CADPS2: variants seen among roughly 807,000 people sequenced by gnomAD.
CADPS2 encodes calcium-dependent secretion activator 2.
In CADPS2, 93 loss-of-function variants were observed where a neutral mutation model predicts 172.5. The ratio of observed to expected loss-of-function variants is 0.54; its 90% CI spans 0.46 to 0.64. CADPS2 has a LOEUF of 0.64. Ranked by LOEUF, CADPS2 falls within the 30% of genes least tolerant of loss-of-function variation. The pLI, the probability that CADPS2 is intolerant of heterozygous loss-of-function variation, is 0.00. For missense variants in CADPS2, 1,420 were observed against 1,565.9 expected, an observed-to-expected ratio of 0.91 and a Z score of 1.57; for synonymous variants, 546 against 555.2, an observed-to-expected ratio of 0.98 and a Z score of 0.23.
At chr7:122,471,616 T>A in intron 13 of CADPS2, 54 bp from the exon 14 acceptor site, 5 of 1,463,592 alleles carry the variant, frequency 3.4e-6, no homozygotes, top group Non-Finnish European at 4.6e-6. Flanking sequence ...ATACTACGAT[T>A]TGCTTTCCTG....
intron 17 of CADPS2, among the ~76,000 whole-genome samples, chr7:122,418,984 C>T (rs567568196): frequency 6.6e-6 from 1 of 152,228 alleles, no homozygotes; most frequent in South Asian, 2.1e-4. Context: ...TTTAATGCTA[C>T]CTTAAAATTG....
At chr7:122,816,118 C>T (rs1801307869) in intron 1 of CADPS2, among the ~76,000 whole-genome samples, 1 of 151,838 alleles carries the variant, frequency 6.6e-6, no homozygotes, top group African/African-American at 2.4e-5. Flanking sequence ...AGATCTTATC[C>T]TTTCTTCCTA....
chr7:122,837,641 C>T (rs1808943000), intron 1 of CADPS2, among the ~76,000 whole-genome samples: 1 of 152,168 alleles, frequency 6.6e-6, no homozygotes, highest in African/African-American at 2.4e-5. Context: ...TCAGAGAATA[C>T]TATAAACACC....
At chr7:122,639,275 T>C (rs1157805963) in intron 3 of CADPS2, among the ~76,000 whole-genome samples, 1 of 152,210 alleles carries the variant, frequency 6.6e-6, no homozygotes, top group African/African-American at 2.4e-5. Context: ...TTAAATTTAT[T>C]TTCGACATAA....
intron 2 of CADPS2, among the ~76,000 whole-genome samples, chr7:122,691,804 G>A (rs569073343): frequency 6.6e-6 from 1 of 152,296 alleles, no homozygotes; most frequent in East Asian, 1.9e-4. Flanking sequence ...AGACAGCACA[G>A]CTGTCAAGCT....
Position 122,794,158 on chromosome 7 carries a change from T to C in CADPS2, c.340-57090A>G, listed in dbSNP as rs183941316. ...CTGAATGTTGGCCACTCTAGGTAGA[T>C]TGGGGAAGTTCTCATGGATGATATC... On this transcript the variant is annotated intron_variant, in intron 1 of 29. Transcript: ENST00000449022. 2.7e-4 allele frequency among the ~76,000 whole-genome samples: 41 copies of C among 152,214 alleles called. No individual in the cohort carries two copies. The East Asian group carries it at 7.4e-3, about 27-fold the overall frequency.
At chr7:122,792,425 C>T (rs1281124927) in intron 1 of CADPS2, among the ~76,000 whole-genome samples, 1 of 152,102 alleles carries the variant, frequency 6.6e-6, no homozygotes, top group Non-Finnish European at 1.5e-5. Context: ...ACCTATAAAC[C>T]AGGAAGCACG....
intron 1 of CADPS2, among the ~76,000 whole-genome samples, chr7:122,878,731 GAATTA>G (rs1041134346): frequency 1.3e-5 from 2 of 150,788 alleles, no homozygotes; most frequent in African/African-American, 4.9e-5. Context: ...TTTGAAAAAA[GAATTA>G]AATTAATAAA....
chr7:122,571,774 G>A (rs2067290587), intron 7 of CADPS2, among the ~76,000 whole-genome samples: 1 of 152,122 alleles, frequency 6.6e-6, no homozygotes, highest in Admixed American at 6.6e-5. Context: ...AAGGATTTAA[G>A]CCATATGTAG....
intron 25 of CADPS2, among the ~76,000 whole-genome samples, chr7:122,364,520 A>T (rs2151177035): frequency 6.6e-6 from 1 of 151,680 alleles, no homozygotes; most frequent in East Asian, 1.9e-4. Flanking sequence ...AGGTCAGGAG[A>T]TCGAGACCAT....
At chr7:122,397,444 G>A (rs2045303417) in intron 20 of CADPS2, among the ~76,000 whole-genome samples, 1 of 139,328 alleles carries the variant, frequency 7.2e-6, no homozygotes, top group Non-Finnish European at 1.5e-5. Flanking sequence ...GAAAATGATG[G>A]AGGGGAGAGG....
chr7:122,359,541 T>C (rs1262225044), intron 27 of CADPS2, among the ~76,000 whole-genome samples: 1 of 152,164 alleles, frequency 6.6e-6, no homozygotes, highest in African/African-American at 2.4e-5. Context: ...CACAGTCCAT[T>C]TGTAATTCAA....
chr7:122,582,721 C>A (rs1000611821), intron 6 of CADPS2, among the ~76,000 whole-genome samples: 1 of 151,950 alleles, frequency 6.6e-6, no homozygotes, highest in Non-Finnish European at 1.5e-5. Flanking sequence ...TCATGACATA[C>A]CCTTTTAAAT....
At chr7:122,747,694 T>C (rs1177482089) in intron 1 of CADPS2, among the ~76,000 whole-genome samples, 1 of 152,124 alleles carries the variant, frequency 6.6e-6, no homozygotes, top group Non-Finnish European at 1.5e-5. Context: ...CAGAACCAGG[T>C]ATATCTGACT....
Position 122,404,133 on chromosome 7 carries a change from C to A in CADPS2, c.2746+3407G>T, listed in dbSNP as rs187472615. On this transcript the variant is annotated intron_variant, in intron 20 of 29. Coordinates refer to ENST00000449022, the MANE Select transcript of CADPS2 (RefSeq NM_017954.11). The stretch of plus-strand genomic sequence containing the variant: ...CATCAGGTATATCTCCTAATGCTAT[C>A]CCTCCCCCCTCTCCCCACCCCATAA... Among the ~76,000 whole-genome samples the A allele has an allele frequency of 2.6e-3, 398 of 152,018 alleles. 3 individuals carry two copies. Among genetic ancestry groups the A allele is most frequent in the African/African-American group, 9.1e-3 (378 of 41,456 alleles).
chr7:122,589,994 A>T (rs573157666), intron 6 of CADPS2, among the ~76,000 whole-genome samples: 17 of 152,038 alleles, frequency 1.1e-4, no homozygotes, highest in African/African-American at 4.1e-4. Context: ...TACAGAACTT[A>T]TCCGTCACCA....
At chr7:122,787,745 C>A (rs995872156) in intron 1 of CADPS2, among the ~76,000 whole-genome samples, 3 of 152,194 alleles carry the variant, frequency 2.0e-5, no homozygotes, top group African/African-American at 7.2e-5. Context: ...AATAAAGTAA[C>A]TGAATTCCAG....
At chr7:122,471,299 A>G in intron 14 of CADPS2, 76 bp downstream of exon 14, 1 of 1,102,560 alleles carries the variant, frequency 9.1e-7, no homozygotes, top group Non-Finnish European at 1.2e-6. Flanking sequence ...ACTGGGTGAT[A>G]ATCGCAAAGC....
chr7:122,330,290 TG>T (rs1204057200), intron 28 of CADPS2, among the ~76,000 whole-genome samples: 1 of 152,188 alleles, frequency 6.6e-6, no homozygotes, highest in African/African-American at 2.4e-5. Context: ...GAGGAAGGCT[TG>T]GATAAATTTG....
Sources: allele counts gnomAD v4.1 joint callset (sites outside exome capture counted in the v4.1 genomes callset), GRCh38; gene constraint gnomAD v4.1.1; transcripts MANE v1.5; gene names NCBI Gene and HGNC (gene_info 2026-07-23, HGNC 2026-07-21).